The following UST variants were observed in gnomAD, a reference collection of about 807,000 sequenced individuals.
UST encodes uronyl 2-sulfotransferase.
Under a neutral mutation model 45.6 loss-of-function variants are expected in UST, and 21 were observed. That is an observed-to-expected ratio of 0.46 (90% CI 0.33 to 0.66). The LOEUF is 0.66. Ranked by LOEUF, UST falls within the 30% of genes least tolerant of loss-of-function variation. The pLI is 0.02. For synonymous variants in UST, 215 were observed against 200.6 expected (o/e 1.07, Z -0.61); for missense variants, 463 against 512.4 (o/e 0.90, Z 0.93).
intron 1 of UST, among the ~76,000 whole-genome samples, chr6:148,773,403 G>A (rs1776470013): frequency 1.3e-5 from 2 of 151,794 alleles, no homozygotes; most frequent in Non-Finnish European, 2.9e-5. Context: ...AGAGGTTGCA[G>A]TGAGCCAAGA....
chr6:148,766,110 A>G (rs918223225), intron 1 of UST, among the ~76,000 whole-genome samples: 2 of 152,118 alleles, frequency 1.3e-5, no homozygotes, highest in Non-Finnish European at 2.9e-5. Context: ...AGATGATCGT[A>G]TGGTTTTGGT....
intron 1 of UST, among the ~76,000 whole-genome samples, chr6:148,771,139 G>A (rs1776417455): frequency 7.6e-6 from 1 of 131,902 alleles, no homozygotes; most frequent in Non-Finnish European, 1.6e-5. Flanking sequence ...TATTAGGATA[G>A]GATATAACAT....
At position 148,895,538 on chromosome 6, in the gene UST, C is replaced by G. The variant is rs1200755739; in HGVS notation, c.291+8509C>G. Among the ~76,000 whole-genome samples, 6 of 152,120 alleles carry G rather than the reference C, an allele frequency of 3.9e-5. No individual in the cohort carries two copies. The East Asian group carries it at 1.2e-3, about 29-fold the overall frequency. ...CAATATGATACAGTTTGGCTGTGTC[C>G]CTACCAAAATCTCATCTTGAATTGT... On this transcript the variant is annotated intron_variant, in intron 2 of 7. Transcript: ENST00000367463.
chr6:148,867,750 C>A (rs961492647), intron 1 of UST, among the ~76,000 whole-genome samples: 1 of 152,136 alleles, frequency 6.6e-6, no homozygotes, highest in Non-Finnish European at 1.5e-5. Context: ...TCTATTAAAC[C>A]TCTTTTTCTT....
chr6:148,876,675 T>G (rs1184412475), intron 1 of UST, among the ~76,000 whole-genome samples: 5 of 152,118 alleles, frequency 3.3e-5, no homozygotes, highest in Non-Finnish European at 7.3e-5. Flanking sequence ...TTGTGGCTAT[T>G]TAAAATACAC....
At chr6:148,801,405 T>C (rs1777055616) in intron 1 of UST, among the ~76,000 whole-genome samples, 2 of 152,194 alleles carry the variant, frequency 1.3e-5, no homozygotes, top group African/African-American at 2.4e-5. Context: ...TAATGAGGGT[T>C]CCTAGACTAG....
intron 2 of UST, among the ~76,000 whole-genome samples, chr6:148,935,861 A>G (rs1780015222): frequency 6.6e-6 from 1 of 152,168 alleles, no homozygotes; most frequent in Admixed American, 6.5e-5. Context: ...GAGAGAGGCT[A>G]ATCTGCTCCT....
At chr6:149,019,455 C>T (rs895991883) in intron 6 of UST, among the ~76,000 whole-genome samples, 5 of 152,300 alleles carry the variant, frequency 3.3e-5, no homozygotes, top group Middle Eastern at 3.4e-3. Flanking sequence ...CCTCAGGAGA[C>T]CACCATATAA....
chr6:149,002,910 A>G (rs1027699353), intron 5 of UST, among the ~76,000 whole-genome samples: 1 of 152,254 alleles, frequency 6.6e-6, no homozygotes, highest in East Asian at 1.9e-4. Flanking sequence ...GCATAGTTAC[A>G]TATTATAAAC....
rs901445787 is a variant in UST, at chr6:148,891,388, C to T, written c.291+4359C>T. 2.6e-5 allele frequency among the ~76,000 whole-genome samples: 4 copies of T among 152,172 alleles called. No homozygotes were observed. The East Asian group carries it at 5.8e-4, about 22-fold the overall frequency. ...CATAGATAAGGAGAGCTGTTCTAACCGCCTCAAAGATAATAAAATCGCTAT... is the reference window on the plus strand; with the variant it reads ...CATAGATAAGGAGAGCTGTTCTAACTGCCTCAAAGATAATAAAATCGCTAT... On this transcript the variant is annotated intron_variant, in intron 2 of 7. Coordinates refer to ENST00000367463, the MANE Select transcript of UST (RefSeq NM_005715.3).
intron 5 of UST, among the ~76,000 whole-genome samples, chr6:149,005,149 A>G (rs1490277859): frequency 2.6e-5 from 4 of 152,050 alleles, no homozygotes; most frequent in African/African-American, 9.7e-5. Context: ...AGAGAACCCA[A>G]TATGTAAACC....
chr6:148,880,905 T>G (rs568106031), intron 1 of UST, among the ~76,000 whole-genome samples: 15 of 151,898 alleles, frequency 9.9e-5, no homozygotes, highest in Admixed American at 3.3e-4. Context: ...GGTGGGCGCC[T>G]GTAATCCCAG....
At chr6:148,836,447 C>T (rs978730874) in intron 1 of UST, among the ~76,000 whole-genome samples, 1 of 152,174 alleles carries the variant, frequency 6.6e-6, no homozygotes, top group East Asian at 1.9e-4. Flanking sequence ...TACCTAATTC[C>T]TTTATTGAAA....
intron 6 of UST, among the ~76,000 whole-genome samples, chr6:149,019,815 C>T (rs1466281036): frequency 6.6e-6 from 1 of 152,190 alleles, no homozygotes; most frequent in African/African-American, 2.4e-5. Flanking sequence ...AGTCAGGACC[C>T]CCAGGGTGTG....
intron 4 of UST, among the ~76,000 whole-genome samples, chr6:148,962,463 A>G (rs570060998): frequency 5.6e-4 from 85 of 152,348 alleles, no homozygotes; most frequent in African/African-American, 2.0e-3. Context: ...TTAGGTGCAT[A>G]TTTGGTATGC....
At chr6:148,988,732 T>C (rs1238351956) in intron 5 of UST, among the ~76,000 whole-genome samples, 1 of 152,198 alleles carries the variant, frequency 6.6e-6, no homozygotes, top group African/African-American at 2.4e-5. Flanking sequence ...CATGTAATAC[T>C]GTCCCACCCT....
intron 1 of UST, among the ~76,000 whole-genome samples, chr6:148,804,203 G>A (rs1253097504): frequency 6.6e-6 from 1 of 152,250 alleles, no homozygotes; most frequent in African/African-American, 2.4e-5. Flanking sequence ...TCAGGAGTCA[G>A]ATGGAGTGGC....
Position 148,918,946 on chromosome 6 carries a change from G to A in UST, c.292-22333G>A, listed in dbSNP as rs139222114. Among the ~76,000 whole-genome samples, 568 of 152,244 alleles carry A rather than the reference G, an allele frequency of 3.7e-3. 2 individuals are homozygous for A. Among genetic ancestry groups the A allele is most frequent in the Non-Finnish European group, 5.1e-3 (350 of 68,022 alleles). ...ATAAATATGTATCTTTAATGAACAT[G>A]AATAGAGAAAACCAAGATATTTCTA... is the stretch of plus-strand genomic sequence containing the variant. On this transcript the variant is annotated intron_variant, in intron 2 of 7. Transcript: ENST00000367463.
intron 7 of UST, among the ~76,000 whole-genome samples, chr6:149,055,082 T>G (rs1025861520): frequency 6.6e-6 from 1 of 152,046 alleles, no homozygotes; most frequent in African/African-American, 2.4e-5. Context: ...GCCAGGAGGT[T>G]ACCTCAGCAT....
Sources: allele counts gnomAD v4.1 joint callset (sites outside exome capture counted in the v4.1 genomes callset), GRCh38; gene constraint gnomAD v4.1.1; transcripts MANE v1.5; gene names NCBI Gene and HGNC (gene_info 2026-07-23, HGNC 2026-07-21).